SGCD: variants seen among roughly 807,000 people sequenced by gnomAD.
The protein encoded by SGCD is sarcoglycan delta.
Under a neutral mutation model 36.6 loss-of-function variants are expected in SGCD, and 18 were observed. That is an observed-to-expected ratio of 0.49 (90% confidence interval 0.34 to 0.73). The LOEUF is 0.73. Among genes scored for constraint, SGCD ranks in the 30% least tolerant of loss-of-function variants. The pLI is 0.01. For missense variants in SGCD, 387 were observed against 346.7 expected (o/e 1.12, Z -0.92); for synonymous variants, 133 against 130.6 (o/e 1.02, Z -0.12).
At chr5:156,640,834 A>G (rs1052870536) in intron 6 of SGCD, among the ~76,000 whole-genome samples, 2 of 152,218 alleles carry the variant, frequency 1.3e-5, no homozygotes, top group African/African-American at 4.8e-5. Flanking sequence ...TAATGACTAC[A>G]GATGTTTTGC....
intron 3 of SGCD, among the ~76,000 whole-genome samples, chr5:156,318,436 T>A (rs772137455): frequency 6.6e-6 from 1 of 152,208 alleles, no homozygotes; most frequent in Non-Finnish European, 1.5e-5. Flanking sequence ...ATAAGGACCC[T>A]GTTTTGTATC....
At chr5:156,611,443 C>T (rs74577265) in intron 6 of SGCD, among the ~76,000 whole-genome samples, 5,429 of 152,252 alleles carry the variant, frequency 0.036, 324 homozygotes, top group African/African-American at 0.12. Context: ...TCATTCTACC[C>T]TGCCCTGCAA....
At chr5:156,534,819 G>A (rs1012852308) in intron 4 of SGCD, among the ~76,000 whole-genome samples, 2 of 151,958 alleles carry the variant, frequency 1.3e-5, no homozygotes, top group Non-Finnish European at 2.9e-5. Context: ...ACATATACAG[G>A]GTGCCTACAA....
chr5:156,294,407 G>A (rs368415865), intron 3 of SGCD, among the ~76,000 whole-genome samples: 24 of 152,120 alleles, frequency 1.6e-4, no homozygotes, highest in Middle Eastern at 3.4e-3. Flanking sequence ...GACTGGCCTG[G>A]TCAACATAAA....
the SGCD span, among the ~76,000 whole-genome samples, chr5:155,823,024 A>G: frequency 6.6e-6 from 1 of 151,956 alleles, no homozygotes; most frequent in Admixed American, 6.6e-5. Context: ...CTCTCTCTCC[A>G]TATATACACA....
intron 3 of SGCD, among the ~76,000 whole-genome samples, chr5:156,290,019 T>TG (rs1766715553): frequency 1.3e-5 from 2 of 152,146 alleles, no homozygotes; most frequent in Non-Finnish European, 2.9e-5. Flanking sequence ...AATTAGAGAA[T>TG]GGTTGAATAC....
chr5:156,371,513 C>T (rs566672744), intron 3 of SGCD, among the ~76,000 whole-genome samples: 2 of 152,308 alleles, frequency 1.3e-5, no homozygotes, highest in East Asian at 1.9e-4. Flanking sequence ...ATAGGAGCTA[C>T]AGGCAGGAGA....
In SGCD at chr5:156,344,596, C is replaced by T; in HGVS notation, c.111C>T (p.Phe37=). 6.2e-7 allele frequency: 1 copy of T among 1,612,378 alleles called. No homozygotes were observed. Among genetic ancestry groups the T allele is most frequent in the African/African-American group, 1.3e-5 (1 of 74,930 alleles). ...IYGWRKRCLY[F]FVLLLMILIL... The stretch of plus-strand genomic sequence containing the variant: ...GCTGGCGGAAACGATGCCTGTATTT[C>T]TTTGTCCTGCTCCTCATGATTTTAA... Residue 37 remains phenylalanine (F), a synonymous_variant, in exon 3 of 9, where the codon TTC becomes TTT. Transcript: ENST00000337851.
At chr5:156,077,468 A>G (rs1176504130) in intron 1 of SGCD, among the ~76,000 whole-genome samples, 1 of 152,170 alleles carries the variant, frequency 6.6e-6, no homozygotes, top group Non-Finnish European at 1.5e-5. Context: ...CTTTATCTTT[A>G]GGATCAAAAT....
At chr5:156,584,956 T>C (rs1760432733) in intron 4 of SGCD, among the ~76,000 whole-genome samples, 2 of 152,198 alleles carry the variant, frequency 1.3e-5, no homozygotes, top group African/African-American at 4.8e-5. Flanking sequence ...GCCTAATGGG[T>C]GCCAGGAATA....
intron 3 of SGCD, among the ~76,000 whole-genome samples, chr5:156,197,526 G>T (rs915831264): frequency 6.8e-6 from 1 of 146,350 alleles, no homozygotes; most frequent in Admixed American, 6.9e-5. Context: ...CAGTATTAGG[G>T]TTGAAAGAGA....
At chr5:156,683,732 G>A (rs568469720) in intron 7 of SGCD, among the ~76,000 whole-genome samples, 37 of 152,262 alleles carry the variant, frequency 2.4e-4, no homozygotes, top group Middle Eastern at 6.8e-3. Flanking sequence ...ACACAGTCAC[G>A]TGATCTTGAG....
chr5:155,867,324 T>C (rs1227075694), upstream of SGCD, among the ~76,000 whole-genome samples: 2 of 151,970 alleles, frequency 1.3e-5, no homozygotes, highest in African/African-American at 2.4e-5. Context: ...GTGTGGTAAT[T>C]GGTGATGGGG....
At chr5:156,479,427 CTG>C (rs1192161085) in intron 3 of SGCD, among the ~76,000 whole-genome samples, 2 of 152,150 alleles carry the variant, frequency 1.3e-5, no homozygotes, top group African/African-American at 4.8e-5. Flanking sequence ...AGATATTTAA[CTG>C]GAGCTGAGAA....
chr5:156,275,661 T>C (rs747783120), intron 3 of SGCD, among the ~76,000 whole-genome samples: 2 of 152,176 alleles, frequency 1.3e-5, no homozygotes, highest in Non-Finnish European at 2.9e-5. Context: ...GATCTGAGGA[T>C]TAGGAGAGAC....
At chr5:156,251,570 A>C in intron 3 of SGCD, among the ~76,000 whole-genome samples, 1 of 151,476 alleles carries the variant, frequency 6.6e-6, no homozygotes, top group East Asian at 1.9e-4. Context: ...GCTGAAGTGC[A>C]GTGGTGCCAT....
chr5:156,525,470 A>G (rs1434150377), intron 4 of SGCD, among the ~76,000 whole-genome samples: 1 of 151,870 alleles, frequency 6.6e-6, no homozygotes, highest in Non-Finnish European at 1.5e-5. Context: ...TAGTTTTATT[A>G]TTAATCCATT....
intron 4 of SGCD, among the ~76,000 whole-genome samples, chr5:156,554,636 A>C (rs535149755): frequency 4.0e-5 from 6 of 148,378 alleles, no homozygotes; most frequent in African/African-American, 9.8e-5. Flanking sequence ...ATGTGCATAT[A>C]ATATATATTA....
At chr5:156,038,264 T>G (rs1360913724) in intron 1 of SGCD, among the ~76,000 whole-genome samples, 1 of 152,088 alleles carries the variant, frequency 6.6e-6, no homozygotes, top group Non-Finnish European at 1.5e-5. Flanking sequence ...TCACCAGTAC[T>G]TTTCAAAAGT....
Sources: allele counts gnomAD v4.1 joint callset (sites outside exome capture counted in the v4.1 genomes callset), GRCh38; gene constraint gnomAD v4.1.1; transcripts MANE v1.5; gene names NCBI Gene and HGNC (gene_info 2026-07-23, HGNC 2026-07-21).